The following CSMD1 variants were observed in gnomAD, a reference collection of about 807,000 sequenced individuals.
The protein encoded by CSMD1 is CUB and sushi domain-containing protein 1.
A neutral mutation model predicts 417.5 loss-of-function variants in CSMD1; 213 were observed. The observed-to-expected ratio is 0.51, with a 90% CI of 0.46 to 0.57. CSMD1 has a LOEUF of 0.57. Among genes scored for constraint, CSMD1 ranks in the 20% least tolerant of loss-of-function variants. The pLI, the probability that CSMD1 is intolerant of heterozygous loss-of-function variation, is 0.00. For synonymous variants in CSMD1, 2,862 were observed against 1,736.8 expected, an observed-to-expected ratio of 1.65 and a Z score of -16.11; for missense variants, 6,923 against 4,529.7, an observed-to-expected ratio of 1.53 and a Z score of -15.17.
At chr8:4,434,396 C>A (rs1798036845) in intron 2 of CSMD1, among the ~76,000 whole-genome samples, 2 of 152,126 alleles carry the variant, frequency 1.3e-5, no homozygotes, top group African/African-American at 4.8e-5. Context: ...AACACTAAAT[C>A]TGAGTGTTTG....
chr8:4,580,537 T>G (rs912783572), intron 2 of CSMD1, among the ~76,000 whole-genome samples: 40 of 152,202 alleles, frequency 2.6e-4, no homozygotes, highest in African/African-American at 8.7e-4. Context: ...GTTCCCAGCT[T>G]GAGTTGTTCC....
intron 3 of CSMD1, among the ~76,000 whole-genome samples, chr8:4,306,562 C>A (rs1394477): frequency 6.6e-6 from 1 of 151,802 alleles, no homozygotes; most frequent in African/African-American, 2.4e-5. Context: ...TGCAAAAAAA[C>A]AGCTCCCTGC....
chr8:3,532,370 G>T (rs1177211685), intron 10 of CSMD1, among the ~76,000 whole-genome samples: 2 of 152,158 alleles, frequency 1.3e-5, no homozygotes, highest in Non-Finnish European at 2.9e-5. Flanking sequence ...ACACCAATCT[G>T]TGTGTGTATG....
At chr8:4,753,167 C>T (rs529953364) in intron 1 of CSMD1, among the ~76,000 whole-genome samples, 1 of 152,156 alleles carries the variant, frequency 6.6e-6, no homozygotes, top group African/African-American at 2.4e-5. Context: ...TGAGATCATA[C>T]ATACAGGAGG....
At chr8:3,514,989 AT>A (rs1423209137) in intron 10 of CSMD1, among the ~76,000 whole-genome samples, 1 of 152,206 alleles carries the variant, frequency 6.6e-6, no homozygotes, top group African/African-American at 2.4e-5. Flanking sequence ...TAAAAACAAC[AT>A]TTTATACTGA....
intron 3 of CSMD1, among the ~76,000 whole-genome samples, chr8:4,333,167 A>T (rs1050339214): frequency 6.6e-6 from 1 of 152,150 alleles, no homozygotes. Flanking sequence ...TCCTCAAAAA[A>T]TCCTTCGCAA....
At chr8:4,748,849 A>C (rs1354053972) in intron 1 of CSMD1, among the ~76,000 whole-genome samples, 1 of 152,264 alleles carries the variant, frequency 6.6e-6, no homozygotes, top group African/African-American at 2.4e-5. Context: ...CACTGTGAAC[A>C]TACGCCCCTT....
At chr8:2,986,114 T>G (rs1233183345) in intron 54 of CSMD1, among the ~76,000 whole-genome samples, 1 of 152,108 alleles carries the variant, frequency 6.6e-6, no homozygotes, top group Non-Finnish European at 1.5e-5. Context: ...TAGTTTTGGC[T>G]TTTAGGTGTG....
chr8:3,669,867 G>T (rs1355457301), intron 7 of CSMD1, among the ~76,000 whole-genome samples: 1 of 152,112 alleles, frequency 6.6e-6, no homozygotes, highest in African/African-American at 2.4e-5. Flanking sequence ...GAGGGGCCCA[G>T]GTGATGATCA....
chr8:3,179,170 C>T (rs561190598), intron 37 of CSMD1, among the ~76,000 whole-genome samples: 122 of 151,738 alleles, frequency 8.0e-4, no homozygotes, highest in Middle Eastern at 6.8e-3. Context: ...CTGTCTCGAT[C>T]TCCTGACCTC....
intron 1 of CSMD1, among the ~76,000 whole-genome samples, chr8:4,780,733 T>C (rs932490311): frequency 6.6e-6 from 1 of 152,130 alleles, no homozygotes; most frequent in South Asian, 2.1e-4. Flanking sequence ...CACTCTTCTC[T>C]ACCAAGTCCC....
intron 2 of CSMD1, among the ~76,000 whole-genome samples, chr8:4,539,877 A>G (rs1797293108): frequency 6.6e-6 from 1 of 152,254 alleles, no homozygotes; most frequent in East Asian, 1.9e-4. Flanking sequence ...GCCTCAAGAC[A>G]GGAACCCCAG....
intron 5 of CSMD1, among the ~76,000 whole-genome samples, chr8:3,890,695 C>G (rs945940209): frequency 4.0e-5 from 6 of 151,666 alleles, no homozygotes; most frequent in African/African-American, 1.4e-4. Context: ...AGTCCTGCCC[C>G]AGAAAACATT....
At chr8:4,446,755 CTGTGTGTGTGTGTGTGTG>C (rs58002310) in intron 2 of CSMD1, among the ~76,000 whole-genome samples, 80 of 133,018 alleles carry the variant, frequency 6.0e-4, no homozygotes, top group African/African-American at 1.6e-3. Flanking sequence ...GTGTGTGTGT[CTGTGTGTGTGTGTGTGTG>C]TGTGTGTGTG....
rs187809321 is a variant in CSMD1, at chr8:3,733,361, T to C, written c.931+20569A>G. 5.3e-3 allele frequency among the ~76,000 whole-genome samples: 778 copies of C among 147,830 alleles called. 7 individuals are homozygous for C. Among genetic ancestry groups the C allele is most frequent in the African/African-American group, 0.018 (746 of 40,710 alleles). On this transcript the variant is annotated intron_variant, in intron 6 of 69. Transcript: ENST00000635120. ...ACAGACATATATATTATATATATAA[T>C]ATATATATAAAATATAATATATATT...
At chr8:4,935,586 G>C (rs907039963) in intron 1 of CSMD1, among the ~76,000 whole-genome samples, 2 of 152,162 alleles carry the variant, frequency 1.3e-5, no homozygotes, top group African/African-American at 2.4e-5. Context: ...TCAGCAAAAA[G>C]TCTATAAGCC....
chr8:4,447,345 G>C (rs17070331), intron 2 of CSMD1, among the ~76,000 whole-genome samples: 13,091 of 152,190 alleles, frequency 0.086, 1,116 homozygotes, highest in East Asian at 0.39. Flanking sequence ...CATTCAAAAT[G>C]CTATACAAGT....
intron 1 of CSMD1, among the ~76,000 whole-genome samples, chr8:4,898,405 G>A (rs988304828): frequency 6.6e-6 from 1 of 152,110 alleles, no homozygotes; most frequent in Admixed American, 6.5e-5. Context: ...AGCAATTCAG[G>A]CCACACAGTG....
chr8:3,534,203 A>G (rs1448421125), intron 10 of CSMD1, among the ~76,000 whole-genome samples: 1 of 152,180 alleles, frequency 6.6e-6, no homozygotes, highest in African/African-American at 2.4e-5. Flanking sequence ...TCACTCCTGC[A>G]ATGCCACGCC....
Sources: gnomAD v4.1 joint callset for allele counts (sites outside exome capture counted in the v4.1 genomes callset) on GRCh38, gnomAD v4.1.1 for gene constraint, MANE v1.5 for transcripts, NCBI Gene and HGNC (gene_info 2026-07-23, HGNC 2026-07-21) for gene names.